The following PODN variants were observed in gnomAD, a reference collection of about 807,000 sequenced individuals.
PODN encodes the protein podocan.
A neutral mutation model predicts 52.7 loss-of-function variants in PODN; 40 were observed. That is an observed-to-expected ratio of 0.76 (90% CI 0.59 to 0.99). The LOEUF (loss-of-function observed/expected upper bound fraction) is 0.99. Among genes scored for constraint, PODN ranks in the 50% least tolerant of loss-of-function variants. The pLI is 0.00. For synonymous variants in PODN, 396 were observed against 377.9 expected (o/e 1.05, Z -0.56); for missense variants, 720 against 815.1 (o/e 0.88, Z 1.42).
At chr1:53,064,585 C>T (rs1644005956) in intron 1 of PODN, among the ~76,000 whole-genome samples, 1 of 152,144 alleles carries the variant, frequency 6.6e-6, no homozygotes, top group Non-Finnish European at 1.5e-5. Flanking sequence ...TTTGGGGCTC[C>T]CTTTCCCTTC....
At chr1:53,070,708 G>A (rs1489233329) in intron 2 of PODN, among the ~76,000 whole-genome samples, 3 of 152,242 alleles carry the variant, frequency 2.0e-5, no homozygotes, top group Non-Finnish European at 2.9e-5. Flanking sequence ...CTAGGGAGAC[G>A]GAGGGGCTGC....
chr1:53,079,076 G>T, intron 8 of PODN, 54 bp downstream of exon 8: 1 of 1,456,114 alleles, frequency 6.9e-7, no homozygotes, highest in Admixed American at 2.5e-5. Context: ...TACTGGCATG[G>T]CTGCCCTGAG....
intron 10 of PODN, among the ~76,000 whole-genome samples, chr1:53,083,501 G>A (rs1644323151): frequency 6.6e-6 from 1 of 152,220 alleles, no homozygotes; most frequent in African/African-American, 2.4e-5. Context: ...AGGGCAGGGT[G>A]GCTGCTGTCA....
Position 53,077,263 on chromosome 1 carries a change from G to A in PODN, c.655G>A (p.Val219Ile). 2.5e-6 allele frequency: 4 copies of A among 1,613,462 alleles called. No individual in the cohort carries two copies. The highest frequency in any genetic ancestry group is 1.1e-5 in the South Asian group (1 of 91,084). Reference sequence around the variant, plus strand: ...CAACATGTTCAACGGCTCCAGCAACGTCGAGGTCCTCATCCTGTCCAGCAA... The same window carrying A: ...CAACATGTTCAACGGCTCCAGCAACATCGAGGTCCTCATCCTGTCCAGCAA... ...PDNMFNGSSN[V>I]EVLILSSNFL... is the part of the protein sequence containing the mutation. The change falls in exon 6 of 11, where the codon GTC becomes ATC. Residue 219 changes from valine to isoleucine, a missense_variant. By Grantham distance (29) the Val-to-Ile change is conservative. Coordinates refer to ENST00000312553, the MANE Select transcript of PODN (RefSeq NM_153703.5).
At chr1:53,076,512 G>C (rs1350375486) in intron 5 of PODN, among the ~76,000 whole-genome samples, 1 of 152,192 alleles carries the variant, frequency 6.6e-6, no homozygotes, top group Non-Finnish European at 1.5e-5. Flanking sequence ...AGCTGTGTCT[G>C]TCACAGATGA....
chr1:53,065,934 T>C (rs994505708), intron 1 of PODN, among the ~76,000 whole-genome samples: 3 of 151,036 alleles, frequency 2.0e-5, no homozygotes, highest in South Asian at 2.1e-4. Flanking sequence ...CACTGTCCAA[T>C]AGAAATGTAA....
intron 10 of PODN, among the ~76,000 whole-genome samples, chr1:53,082,934 A>G (rs11804391): frequency 0.16 from 23,861 of 152,148 alleles, 1,986 homozygotes; most frequent in Middle Eastern, 0.2. Context: ...GGGCCCTTAC[A>G]TGCACACCTG....
chr1:53,064,701 A>C (rs1644007236), intron 1 of PODN, among the ~76,000 whole-genome samples: 2 of 151,978 alleles, frequency 1.3e-5, no homozygotes, highest in African/African-American at 4.8e-5. Flanking sequence ...AGTAACAGTA[A>C]CCCCTGGTAT....
At chr1:53,080,055 G>T (rs1232061439) in intron 8 of PODN, among the ~76,000 whole-genome samples, 3 of 146,934 alleles carry the variant, frequency 2.0e-5, no homozygotes, top group Non-Finnish European at 4.5e-5. Context: ...GGAGGGTGGG[G>T]TGCTGCCAGT....
At chr1:53,066,077 C>T (rs1391231849) in intron 1 of PODN, among the ~76,000 whole-genome samples, 3 of 148,074 alleles carry the variant, frequency 2.0e-5, no homozygotes, top group Non-Finnish European at 4.4e-5. Context: ...CTCACAGCAG[C>T]CTCAACCTCC....
intron 4 of PODN, 77 bp downstream of exon 4, chr1:53,074,747 C>T (rs1644170340): frequency 6.7e-7 from 1 of 1,501,174 alleles, no homozygotes; most frequent in Non-Finnish European, 9.2e-7. Context: ...CATGAACTTT[C>T]ACCAGGGCCT....
intron 5 of PODN, among the ~76,000 whole-genome samples, chr1:53,076,263 A>G (rs1345872971): frequency 4.6e-5 from 7 of 152,226 alleles, no homozygotes; most frequent in Admixed American, 4.6e-4. Flanking sequence ...GCTGAGCTGC[A>G]TTGGGAGGAG....
At chr1:53,083,191 T>G (rs1219277535) in intron 10 of PODN, among the ~76,000 whole-genome samples, 1 of 152,126 alleles carries the variant, frequency 6.6e-6, no homozygotes, top group Non-Finnish European at 1.5e-5. Context: ...TTGAGAAGTT[T>G]GGCTGTGAGA....
At chr1:53,062,818 C>T (rs1163202203) in intron 1 of PODN, among the ~76,000 whole-genome samples, 1 of 152,250 alleles carries the variant, frequency 6.6e-6, no homozygotes, top group Non-Finnish European at 1.5e-5. Flanking sequence ...GAGGTCTGGC[C>T]CCAGGGCGCG....
intron 10 of PODN, 120 bp downstream of exon 10, chr1:53,082,308 T>C (rs1473694495): frequency 3.2e-5 from 42 of 1,327,290 alleles, no homozygotes; most frequent in Non-Finnish European, 3.9e-5. Flanking sequence ...TCCACCCATT[T>C]AGCAAATTTA....
In PODN at chr1:53,077,177, C is replaced by T. The variant is rs937736669; in HGVS notation, c.582-13C>T. The T allele has an allele frequency of 8.1e-6, 13 of 1,611,910 alleles. No homozygotes were observed. The highest frequency in any genetic ancestry group is 1.1e-5 in the Non-Finnish European group (13 of 1,179,362). On this transcript the variant is annotated splice_polypyrimidine_tract_variant and intron_variant, in intron 5 of 10. Coordinates refer to ENST00000312553, the MANE Select transcript of PODN (RefSeq NM_153703.5). ...GAGCCCAGGTGGGTGAGGACCTGTGCCTTGACCCCCAGGTCTGTGTACCTG... is the reference window on the plus strand; with the variant it reads ...GAGCCCAGGTGGGTGAGGACCTGTGTCTTGACCCCCAGGTCTGTGTACCTG...
chr1:53,077,187 C>G lies in PODN; in HGVS notation c.582-3C>G, dbSNP rs369123332. Reference sequence around the variant, plus strand: ...GGGTGAGGACCTGTGCCTTGACCCCCAGGTCTGTGTACCTGCACAACAACA... The same window carrying G: ...GGGTGAGGACCTGTGCCTTGACCCCGAGGTCTGTGTACCTGCACAACAACA... On this transcript the variant is annotated splice_region_variant and splice_polypyrimidine_tract_variant and intron_variant, in intron 5 of 10. Transcript: ENST00000312553. 5 of 1,612,858 alleles carry G rather than the reference C, an allele frequency of 3.1e-6. No individual in the cohort carries two copies. The East Asian group carries it at 1.1e-4, about 36-fold the overall frequency.
chr1:53,065,995 C>CTTTTTTTTTTTT (rs780284767), intron 1 of PODN, among the ~76,000 whole-genome samples: 1 of 115,312 alleles, frequency 8.7e-6, no homozygotes, highest in African/African-American at 3.7e-5. Context: ...TTCTAGAGGT[C>CTTTTTTTTTTTT]TTTTTTTTTT....
chr1:53,066,833 C>T, intron 1 of PODN: 1 of 1,549,440 alleles, frequency 6.5e-7, no homozygotes, highest in Non-Finnish European at 8.7e-7. Context: ...TTACAGATAC[C>T]AAATGGAAGG....
Sources: gnomAD v4.1 joint callset for allele counts (sites outside exome capture counted in the v4.1 genomes callset) on GRCh38, gnomAD v4.1.1 for gene constraint, MANE v1.5 for transcripts, NCBI Gene and HGNC (gene_info 2026-07-23, HGNC 2026-07-21) for gene names.